The following NCAM1 variants were observed in gnomAD, a reference collection of about 807,000 sequenced individuals.
The protein encoded by NCAM1 is neural cell adhesion molecule 1.
In NCAM1, 14 loss-of-function variants were observed where a neutral mutation model predicts 109.8. The observed-to-expected ratio is 0.13, with a 90% CI of 0.08 to 0.20. NCAM1 has a LOEUF of 0.20. Ranked by LOEUF, NCAM1 falls within the 10% of genes least tolerant of loss-of-function variation. The pLI, the probability that NCAM1 is intolerant of heterozygous loss-of-function variation, is 1.00. For missense variants in NCAM1, 774 were observed against 1,109.9 expected (o/e 0.70, Z 4.30); for synonymous variants, 418 against 442.9 (o/e 0.94, Z 0.70).
intron 9 of NCAM1, among the ~76,000 whole-genome samples, chr11:113,229,783 G>A (rs1555116849): frequency 6.6e-6 from 1 of 152,172 alleles, no homozygotes. Flanking sequence ...GTCCTTTGTA[G>A]GGACATGGAT....
intron 1 of NCAM1, among the ~76,000 whole-genome samples, chr11:113,083,369 C>T (rs1240058902): frequency 6.6e-6 from 1 of 152,148 alleles, no homozygotes; most frequent in Non-Finnish European, 1.5e-5. Context: ...AACTGTACTG[C>T]CTCCCACCAG....
intron 1 of NCAM1, among the ~76,000 whole-genome samples, chr11:113,134,183 T>A (rs1555098926): frequency 3.9e-5 from 6 of 152,226 alleles, no homozygotes; most frequent in Admixed American, 6.5e-5. Context: ...CTACTTTCTG[T>A]TTGTAAGAAT....
intron 1 of NCAM1, among the ~76,000 whole-genome samples, chr11:113,175,675 T>G (rs1212097332): frequency 1.3e-5 from 2 of 152,240 alleles, no homozygotes; most frequent in African/African-American, 4.8e-5. Context: ...GTAAGACATC[T>G]TTGTTTTCCT....
At chr11:113,204,785 T>C (rs1329043124) in intron 3 of NCAM1, among the ~76,000 whole-genome samples, 1 of 152,210 alleles carries the variant, frequency 6.6e-6, no homozygotes, top group Non-Finnish European at 1.5e-5. Flanking sequence ...AAATGTTGGC[T>C]GACTGTTCTG....
chr11:113,030,576 T>C (rs1463167817), intron 1 of NCAM1, among the ~76,000 whole-genome samples: 1 of 152,120 alleles, frequency 6.6e-6, no homozygotes, highest in East Asian at 1.9e-4. Flanking sequence ...AGATTATCAA[T>C]CTCACTGGAA....
chr11:113,186,578 T>G (rs905584423), intron 1 of NCAM1, among the ~76,000 whole-genome samples: 5 of 152,198 alleles, frequency 3.3e-5, no homozygotes, highest in Non-Finnish European at 7.3e-5. Context: ...CATTCCACAT[T>G]CTTGGAGAAC....
intron 1 of NCAM1, among the ~76,000 whole-genome samples, chr11:113,100,841 T>A (rs1230154373): frequency 1.3e-5 from 2 of 152,030 alleles, no homozygotes; most frequent in Non-Finnish European, 2.9e-5. Flanking sequence ...GGCTTGTGAG[T>A]GGGGCTTTTG....
chr11:113,264,195 C>T (rs993234114), intron 17 of NCAM1: 2 of 985,170 alleles, frequency 2.0e-6, no homozygotes, highest in Admixed American at 6.1e-5. Context: ...CTCTGAGCAT[C>T]TCCATGGAAG....
At chr11:113,130,599 C>T (rs1265027779) in intron 1 of NCAM1, 3 of 152,134 alleles carry the variant, frequency 2.0e-5, no homozygotes, top group Admixed American at 6.5e-5. Context: ...CTGTAGATAC[C>T]TTTGTGACAT....
chr11:113,231,149 T>G (rs1244832024), intron 9 of NCAM1: 17 of 1,496,468 alleles, frequency 1.1e-5, no homozygotes, highest in Non-Finnish European at 1.5e-5. Context: ...AAATAAGGAT[T>G]TCTTTAATAA....
intron 11 of NCAM1, 112 bp from the exon 12 acceptor site, chr11:113,232,606 G>T: frequency 1.1e-6 from 1 of 941,556 alleles, no homozygotes; most frequent in South Asian, 1.5e-5. Context: ...TGGAGCTAAT[G>T]ATTTATACTT....
Position 113,270,063 on chromosome 11 carries a change from C to G in NCAM1, c.2132-125C>G, listed in dbSNP as rs918713611. ...ATAGAAGGTCCCCAGGAAGGTGTCA[C>G]TCTGGGCATGAATGCCATGACTCTG... On this transcript the variant is annotated intron_variant, in intron 17 of 19. Coordinates refer to ENST00000316851, the MANE Select transcript of NCAM1 (RefSeq NM_181351.5). The G allele has an allele frequency of 3.4e-6, 3 of 887,966 alleles. No homozygotes were observed. In the South Asian group the frequency reaches 4.4e-5, roughly 13 times the overall value. The allele number at this position is 887,966 out of a possible 1,614,324, so 55.0% of individuals were successfully genotyped here.
chr11:113,188,192 C>A (rs1555109207), intron 1 of NCAM1, among the ~76,000 whole-genome samples: 1 of 152,114 alleles, frequency 6.6e-6, no homozygotes, highest in African/African-American at 2.4e-5. Flanking sequence ...TGCTGTTAGA[C>A]AAAAGACGGG....
At chr11:113,210,574 C>T (rs1242594167) in intron 7 of NCAM1, among the ~76,000 whole-genome samples, 3 of 152,250 alleles carry the variant, frequency 2.0e-5, no homozygotes, top group East Asian at 1.9e-4. Context: ...CTTGGCTGGG[C>T]ATGAACAGAT....
chr11:113,179,798 T>C (rs2136564477), intron 1 of NCAM1, among the ~76,000 whole-genome samples: 2 of 152,310 alleles, frequency 1.3e-5, no homozygotes, highest in East Asian at 1.9e-4. Flanking sequence ...TACCAAGATT[T>C]CTTTTGCTTT....
At chr11:113,237,875 T>TATATATAG (rs1555118533) in intron 14 of NCAM1, among the ~76,000 whole-genome samples, 1,111 of 44,356 alleles carry the variant, frequency 0.025, 16 homozygotes, top group African/African-American at 0.055. Context: ...GATATATAGA[T>TATATATAG]ATATATAGAT....
At chr11:113,232,466 G>A in intron 11 of NCAM1, 112 bp downstream of exon 11, 1 of 1,149,490 alleles carries the variant, frequency 8.7e-7, no homozygotes, top group Non-Finnish European at 1.2e-6. Context: ...TCCTGAGCAG[G>A]GAAGGCATGG....
intron 1 of NCAM1, among the ~76,000 whole-genome samples, chr11:113,124,330 T>C (rs1555096646): frequency 6.6e-6 from 1 of 152,204 alleles, no homozygotes; most frequent in Admixed American, 6.5e-5. Context: ...TAGACTGCAG[T>C]GCACTTGCCC....
rs782541955 is a variant in NCAM1 at position 113,270,244 on chromosome 11, G to A, written c.2188G>A (p.Val730Ile). ...CGGGGCCATCGTGGGCATCCTCATCGTCATCTTCGTCCTGCTCCTGGTGGT... is the reference window on the plus strand; with the variant it reads ...CGGGGCCATCGTGGGCATCCTCATCATCATCTTCGTCCTGCTCCTGGTGGT... Reference protein sequence around the residue: ...STGAIVGILIVIFVLLLVVVD... With the variant: ...STGAIVGILIIIFVLLLVVVD... Residue 730 changes from valine to isoleucine, a missense_variant, in exon 18 of 20, where the codon GTC (valine) becomes ATC (isoleucine). Val to Ile is a conservative substitution (Grantham distance 29). Coordinates refer to ENST00000316851, the MANE Select transcript of NCAM1 (RefSeq NM_181351.5). 67 of 1,613,888 alleles carry A rather than the reference G, an allele frequency of 4.2e-5. No individual in the cohort carries two copies. The highest frequency in any genetic ancestry group is 2.2e-4 in the South Asian group (20 of 91,082).
Sources: allele counts gnomAD v4.1 joint callset (sites outside exome capture counted in the v4.1 genomes callset), GRCh38; gene constraint gnomAD v4.1.1; transcripts MANE v1.5; gene names NCBI Gene and HGNC (gene_info 2026-07-23, HGNC 2026-07-21).